RPS6KA1: variants seen among roughly 807,000 people sequenced by gnomAD.
The protein encoded by RPS6KA1 is ribosomal protein S6 kinase A1.
A neutral mutation model predicts 91.3 loss-of-function variants in RPS6KA1; 48 were observed. The observed-to-expected ratio is 0.53, with a 90% CI of 0.42 to 0.67. RPS6KA1 has a LOEUF of 0.67. Among genes scored for constraint, RPS6KA1 ranks in the 30% least tolerant of loss-of-function variants. The pLI is 0.00. For synonymous variants in RPS6KA1, 359 were observed against 384.7 expected, an observed-to-expected ratio of 0.93 and a Z score of 0.78; for missense variants, 719 against 960.5, an observed-to-expected ratio of 0.75 and a Z score of 3.32.
intron 17 of RPS6KA1, among the ~76,000 whole-genome samples, chr1:26,563,552 G>T (rs2076173157): frequency 6.6e-6 from 1 of 152,090 alleles, no homozygotes; most frequent in Non-Finnish European, 1.5e-5. Context: ...TAAAACTGGA[G>T]GAAAATTTGC....
chr1:26,552,935 G>A (rs1473876859), intron 6 of RPS6KA1: 2 of 318,166 alleles, frequency 6.3e-6, no homozygotes, highest in South Asian at 2.6e-5. Flanking sequence ...ACTTTCCCAT[G>A]TTTCTTTTGC....
rs1209057618 is a variant in RPS6KA1, at chr1:26,545,784, C to T, written c.109-1083C>T. The T allele has an allele frequency of 3.7e-6, 5 of 1,369,022 alleles. No individual in the cohort carries two copies. The African/African-American group carries it at 4.5e-5, about 12-fold the overall frequency. 84.8% of individuals were successfully genotyped at this position (1,369,022 alleles called of 1,614,324 possible). On this transcript the variant is annotated intron_variant, in intron 2 of 21. Coordinates refer to ENST00000374168, the MANE Select transcript of RPS6KA1 (RefSeq NM_002953.4). ...CCACAGGCCCTGAGTGATTGGCTGC[C>T]CTGGGCCAGGCCCAGCCCCCGCCCT...
Position 26,529,956 on chromosome 1 carries a change from C to T in RPS6KA1, c.36C>T (p.Leu12=). 1 of 1,433,420 alleles carries T rather than the reference C, an allele frequency of 7.0e-7. No homozygotes were observed. Among genetic ancestry groups the T allele is most frequent in the African/African-American group, 1.5e-5 (1 of 67,126 alleles). 88.8% of individuals were successfully genotyped at this position (1,433,420 alleles called of 1,614,324 possible). Residue 12 remains leucine (L), a synonymous_variant, in exon 1 of 22, where the codon CTC becomes CTT. Coordinates refer to ENST00000374168, the MANE Select transcript of RPS6KA1 (RefSeq NM_002953.4). The surrounding 1 kb of genome is among the most constrained non-coding windows in gnomAD (Gnocchi z 4.2). ...CCCAGCTCAAGGAGCCCTGGCCGCT[C>T]ATGGAGCTAGTGCCTCTGGACCCGG... ...PLAQLKEPWP[L]MELVPLDPEN...
intron 17 of RPS6KA1, among the ~76,000 whole-genome samples, chr1:26,570,019 G>T (rs1302289777): frequency 6.6e-6 from 1 of 152,190 alleles, no homozygotes; most frequent in Admixed American, 6.5e-5. Flanking sequence ...AGGAAGATGA[G>T]AACATGAGGA....
In RPS6KA1 at chr1:26,555,842, A is replaced by C. The variant is rs929181920; in HGVS notation, c.916+217A>C. On this transcript the variant is annotated intron_variant, in intron 11 of 21. Transcript: ENST00000374168. The surrounding 1 kb of genome is among the most constrained non-coding windows in gnomAD (Gnocchi z 4.3). ...GGAAGGCAGGAACTGAGTCATCCCT[A>C]CTCCCTCTGGGGACAAGGACAGAGG... 2.0e-5 allele frequency among the ~76,000 whole-genome samples: 3 copies of C among 151,542 alleles called. No homozygotes were observed. Among genetic ancestry groups the C allele is most frequent in the African/African-American group, 7.3e-5 (3 of 41,188 alleles).
Position 26,560,769 on chromosome 1 carries a change from T to C in RPS6KA1, c.1259T>C (p.Val420Ala). Residue 420 changes from valine (V) to alanine (A), a missense_variant, in exon 15 of 22, where the codon GTA becomes GCA. Val to Ala is a moderately conservative substitution (Grantham distance 64). Around this residue, in one of 5 missense-constraint regions of RPS6KA1, gnomAD observed 228 missense variants for 247.6 expected, o/e 0.92. Coordinates refer to ENST00000374168, the MANE Select transcript of RPS6KA1 (RefSeq NM_002953.4). ...KNLVFSDGYV[V>A]KETIGVGSYS... The stretch of plus-strand genomic sequence containing the variant: ...CTGGTTTTTAGTGACGGCTACGTGG[T>C]AAAGGAGACAATTGGTGTGGGCTCC... The C allele has an allele frequency of 6.2e-7, 1 of 1,614,188 alleles. No individual in the cohort carries two copies. Among genetic ancestry groups the C allele is most frequent in the Non-Finnish European group, 8.5e-7 (1 of 1,180,038 alleles).
At chr1:26,536,739 A>G (rs938794778) in intron 1 of RPS6KA1, among the ~76,000 whole-genome samples, 186 bp from the exon 2 acceptor site, 4 of 152,232 alleles carry the variant, frequency 2.6e-5, no homozygotes, top group African/African-American at 9.6e-5. Flanking sequence ...CGCCATTGCC[A>G]GAATACTTGG....
In RPS6KA1 at chr1:26,554,288, G is replaced by A. The variant is rs377595459; in HGVS notation, c.613+37G>A. On this transcript the variant is annotated intron_variant, in intron 8 of 21. Coordinates refer to ENST00000374168, the MANE Select transcript of RPS6KA1 (RefSeq NM_002953.4). This position sits in a 1 kb window ranked among gnomAD's most constrained non-coding sequence, Gnocchi z 4.6. ...GCGCCTGCCCCCTCGGGACCCAGGG[G>A]AGGACAGGACAAGGTCATGATAGGT... is the stretch of plus-strand genomic sequence containing the variant. 1.0e-5 allele frequency: 16 copies of A among 1,551,094 alleles called. No homozygotes were observed. Among genetic ancestry groups the A allele is most frequent in the Non-Finnish European group, 1.4e-5 (16 of 1,145,662 alleles).
rs773087283 is a variant in RPS6KA1, at chr1:26,529,880, C to T, written c.-41C>T. On this transcript the variant is annotated 5_prime_UTR_variant, in exon 1 of 22. Coordinates refer to ENST00000374168, the MANE Select transcript of RPS6KA1 (RefSeq NM_002953.4). The surrounding 1 kb of genome is among the most constrained non-coding windows in gnomAD (Gnocchi z 4.2). Reference sequence around the variant, plus strand: ...CCCAGGACCCGGGAGGCGGCGCAGCCGGGGCCGCCGGAGGAGCGCGGGTGA... The same window carrying T: ...CCCAGGACCCGGGAGGCGGCGCAGCTGGGGCCGCCGGAGGAGCGCGGGTGA... 7.2e-7 allele frequency: 1 copy of T among 1,396,432 alleles called. No homozygotes were observed. Among genetic ancestry groups the T allele is most frequent in the South Asian group, 1.4e-5 (1 of 72,898 alleles). 86.5% of individuals were successfully genotyped at this position (1,396,432 alleles called of 1,614,324 possible).
chr1:26,550,062 A>G (rs2076034688), intron 4 of RPS6KA1, among the ~76,000 whole-genome samples: 2 of 150,826 alleles, frequency 1.3e-5, no homozygotes, highest in South Asian at 4.2e-4. Context: ...TATTTTTAGT[A>G]GAGACAGGGT....
chr1:26,560,661 G>A, intron 14 of RPS6KA1, 65 bp from the exon 15 acceptor site: 2 of 1,607,950 alleles, frequency 1.2e-6, no homozygotes, highest in East Asian at 2.2e-5. Flanking sequence ...AAGACCTTAG[G>A]TCCTGGGGGA....
At position 26,571,603 on chromosome 1, in the gene RPS6KA1, C is replaced by G; in HGVS notation, c.1745C>G (p.Ala582Gly). 1 of 1,613,938 alleles carries G rather than the reference C, an allele frequency of 6.2e-7. No individual in the cohort carries two copies. Among genetic ancestry groups the G allele is most frequent in the Non-Finnish European group, 8.5e-7 (1 of 1,179,938 alleles). ...CCTTGCTACACAGCCAACTTTGTGGCGCCTGAGGTGAGTGGCCCAGCCTCC... is the reference window on the plus strand; with the variant it reads ...CCTTGCTACACAGCCAACTTTGTGGGGCCTGAGGTGAGTGGCCCAGCCTCC... The part of the protein sequence containing the change: ...MTPCYTANFV[A>G]PEVLKRQGYD... Residue 582 changes from alanine to glycine, a missense_variant, in exon 18 of 22, where the codon GCG becomes GGG. Transcript: ENST00000374168. The surrounding 1 kb of genome is among the most constrained non-coding windows in gnomAD (Gnocchi z 5.1).
At chr1:26,572,109 C>T in intron 19 of RPS6KA1, 67 bp from the exon 20 acceptor site, 2 of 1,419,990 alleles carry the variant, frequency 1.4e-6, no homozygotes, top group Non-Finnish European at 2.0e-6. Context: ...ACACAGTCTC[C>T]CACCGCAGCC....
At position 26,548,100 on chromosome 1, in the gene RPS6KA1, C is replaced by T. The variant is rs372585244; in HGVS notation, c.307+830C>T. ...GGGAGGTAGTGGGGGCAGTAGGAGG[C>T]GTCAGCCTTAAGGACGTTATGGGTG... On this transcript the variant is annotated intron_variant, in intron 4 of 21. Transcript: ENST00000374168. Among the ~76,000 whole-genome samples, 8 of 152,038 alleles carry T rather than the reference C, an allele frequency of 5.3e-5. No homozygotes were observed. The East Asian group carries it at 9.7e-4, about 18-fold the overall frequency.
At chr1:26,550,658 C>T (rs2124635058) in intron 4 of RPS6KA1, among the ~76,000 whole-genome samples, 1 of 152,250 alleles carries the variant, frequency 6.6e-6, no homozygotes, top group East Asian at 1.9e-4. Flanking sequence ...ATCAATAAAA[C>T]ATGATACTTG....
At chr1:26,556,890 G>A (rs1486858883) in intron 12 of RPS6KA1, 108 bp from the exon 13 acceptor site, 2 of 1,165,972 alleles carry the variant, frequency 1.7e-6, no homozygotes, top group Non-Finnish European at 2.6e-6. Flanking sequence ...AATTCCGAGA[G>A]CTGGGCAATA....
chr1:26,572,725 C>T (rs2076260383), intron 20 of RPS6KA1, among the ~76,000 whole-genome samples: 1 of 152,204 alleles, frequency 6.6e-6, no homozygotes, highest in Non-Finnish European at 1.5e-5. Flanking sequence ...AGCATGTGAG[C>T]TTTCAGTATT....
chr1:26,554,787 A>T lies in RPS6KA1; in HGVS notation c.756+49A>T, dbSNP rs1224942536. On this transcript the variant is annotated intron_variant, in intron 9 of 21. Transcript: ENST00000374168. The surrounding 1 kb of genome is among the most constrained non-coding windows in gnomAD (Gnocchi z 4.6). Reference sequence around the variant, plus strand: ...GGATCCAGCCCAAGCCTCTGGCCTCAGTCTCCCTATCTGTACAGTGAGGGG... The same window carrying T: ...GGATCCAGCCCAAGCCTCTGGCCTCTGTCTCCCTATCTGTACAGTGAGGGG... 3.2e-6 allele frequency: 5 copies of T among 1,559,158 alleles called. No individual in the cohort carries two copies. Among genetic ancestry groups the T allele is most frequent in the African/African-American group, 1.4e-5 (1 of 73,586 alleles).
chr1:26,545,091 G>C (rs1021208941), intron 2 of RPS6KA1, among the ~76,000 whole-genome samples: 34 of 151,986 alleles, frequency 2.2e-4, no homozygotes, highest in Non-Finnish European at 8.8e-5. Flanking sequence ...CCTGTTGGGT[G>C]CGTGTCCTTA....
Sources: gnomAD v4.1 joint callset for allele counts (sites outside exome capture counted in the v4.1 genomes callset) on GRCh38, gnomAD v4.1.1 for gene constraint, gnomAD v4.1.1 regional missense constraint, Gnocchi (gnomAD v3.1) non-coding constraint, MANE v1.5 for transcripts, NCBI Gene and HGNC (gene_info 2026-07-23, HGNC 2026-07-21) for gene names.